Variants in TAFA5 observed in about 807,000 individuals in gnomAD.
TAFA5 encodes the protein TAFA chemokine like family member 5, also known as chemokine-like protein TAFA-5.
TAFA5 carries 6 observed loss-of-function variants against 15.3 expected under a neutral mutation model. The observed-to-expected ratio is 0.39, with a 90% CI of 0.21 to 0.77. TAFA5 has a LOEUF of 0.77. Among genes scored for constraint, TAFA5 ranks in the 30% least tolerant of loss-of-function variants. TAFA5 has a pLI of 0.41. For synonymous variants in TAFA5, 103 were observed against 80.7 expected (o/e 1.28, Z -1.48); for missense variants, 161 against 193.1 (o/e 0.83, Z 0.98).
chr22:48,514,726 G>T (rs968031728), intron 1 of TAFA5, among the ~76,000 whole-genome samples: 1 of 152,236 alleles, frequency 6.6e-6, no homozygotes, highest in Non-Finnish European at 1.5e-5. Flanking sequence ...ACAAAACATA[G>T]CTCTGAGCTT....
intron 2 of TAFA5, among the ~76,000 whole-genome samples, chr22:48,647,384 C>T (rs756395901): frequency 9.9e-5 from 15 of 152,082 alleles, no homozygotes; most frequent in African/African-American, 1.4e-4. Context: ...TGACATGGGG[C>T]GGGAGGGGCT....
chr22:48,629,096 G>C (rs995780007), intron 1 of TAFA5, among the ~76,000 whole-genome samples: 1 of 152,190 alleles, frequency 6.6e-6, no homozygotes, highest in Non-Finnish European at 1.5e-5. Flanking sequence ...CTGAAGGAAG[G>C]GACCCACCAG....
At chr22:48,679,164 CGG>C (rs1928089141) in intron 2 of TAFA5, among the ~76,000 whole-genome samples, 1 of 94,838 alleles carries the variant, frequency 1.1e-5, no homozygotes, top group Non-Finnish European at 2.1e-5. Context: ...TCTCCCGGCT[CGG>C]CGTCCATCCC....
intron 2 of TAFA5, among the ~76,000 whole-genome samples, chr22:48,673,543 C>A (rs1927868938): frequency 6.6e-6 from 1 of 152,208 alleles, no homozygotes; most frequent in South Asian, 2.1e-4. Context: ...AAGAGGCCGG[C>A]CTTCTTCTGA....
intron 2 of TAFA5, among the ~76,000 whole-genome samples, chr22:48,656,921 A>T (rs1454042206): frequency 6.6e-6 from 1 of 151,738 alleles, no homozygotes; most frequent in Non-Finnish European, 1.5e-5. Context: ...TTGCACTGCC[A>T]TGCCCAGCTA....
chr22:48,669,552 C>G (rs900226515), intron 2 of TAFA5, among the ~76,000 whole-genome samples: 6 of 152,244 alleles, frequency 3.9e-5, no homozygotes, highest in Admixed American at 3.9e-4. Flanking sequence ...AGGGAGCACC[C>G]TGCCTTTGAG....
intron 1 of TAFA5, among the ~76,000 whole-genome samples, chr22:48,592,692 G>T (rs1019524072): frequency 4.0e-5 from 6 of 151,412 alleles, no homozygotes; most frequent in East Asian, 2.0e-4. Flanking sequence ...GACTAACTCG[G>T]TCCTGGGAAG....
chr22:48,620,992 AC>A (rs1925805456), intron 1 of TAFA5, among the ~76,000 whole-genome samples: 1 of 89,772 alleles, frequency 1.1e-5, no homozygotes, highest in Non-Finnish European at 2.1e-5. Context: ...CCACCCACCC[AC>A]CCACACTATC....
intron 2 of TAFA5, among the ~76,000 whole-genome samples, chr22:48,657,925 T>C (rs936699102): frequency 3.9e-5 from 6 of 152,206 alleles, no homozygotes; most frequent in Non-Finnish European, 8.8e-5. Context: ...TGATGGTGTT[T>C]AAAGTGTCCA....
intron 1 of TAFA5, among the ~76,000 whole-genome samples, chr22:48,503,526 G>A (rs1294816412): frequency 6.6e-6 from 1 of 152,242 alleles, no homozygotes; most frequent in Non-Finnish European, 1.5e-5. Flanking sequence ...CAGGGACAGT[G>A]GAAGCCGGTA....
At position 48,562,894 on chromosome 22, in the gene TAFA5, C is replaced by G. The variant is rs553260576; in HGVS notation, c.112+73190C>G. Among the ~76,000 whole-genome samples, 72 of 152,332 alleles carry G rather than the reference C, an allele frequency of 4.7e-4. No individual in the cohort carries two copies. In the East Asian group the frequency reaches 0.013, roughly 28 times the overall value. On this transcript the variant is annotated intron_variant, in intron 1 of 3. Coordinates refer to ENST00000402357, the MANE Select transcript of TAFA5 (RefSeq NM_001082967.3). Reference sequence around the variant, plus strand: ...CCCCACTTGACAGCTCGGAGACCCTCTTTCCTCTCACAGCCCCGGGACCCC... The same window carrying G: ...CCCCACTTGACAGCTCGGAGACCCTGTTTCCTCTCACAGCCCCGGGACCCC...
chr22:48,685,353 G>C (rs1928320835), intron 2 of TAFA5, among the ~76,000 whole-genome samples: 1 of 152,202 alleles, frequency 6.6e-6, no homozygotes, highest in African/African-American at 2.4e-5. Context: ...ATCTCTCTTG[G>C]ATCCAGGAAA....
At chr22:48,515,570 T>C (rs1315195920) in intron 1 of TAFA5, among the ~76,000 whole-genome samples, 2 of 152,152 alleles carry the variant, frequency 1.3e-5, no homozygotes, top group Non-Finnish European at 2.9e-5. Context: ...CTGCTCTCCC[T>C]TGATGCTCCT....
chr22:48,638,321 C>T (rs1446417364), intron 1 of TAFA5, among the ~76,000 whole-genome samples: 2 of 127,724 alleles, frequency 1.6e-5, no homozygotes, highest in Non-Finnish European at 3.3e-5. Context: ...ACCCCCCCCA[C>T]ACACTAAGCC....
At chr22:48,710,250 A>G (rs1384959261) in intron 3 of TAFA5, among the ~76,000 whole-genome samples, 2 of 152,126 alleles carry the variant, frequency 1.3e-5, no homozygotes, top group East Asian at 3.9e-4. Flanking sequence ...TGCAGGGCGC[A>G]CACTGGTAAG....
At chr22:48,502,937 C>T (rs575859084) in intron 1 of TAFA5, among the ~76,000 whole-genome samples, 2 of 152,190 alleles carry the variant, frequency 1.3e-5, no homozygotes, top group African/African-American at 2.4e-5. Context: ...ATACCACCAA[C>T]GGGTCATATA....
chr22:48,617,721 CCTGGCTTGGT>C (rs1244983734), intron 1 of TAFA5, among the ~76,000 whole-genome samples: 1 of 152,192 alleles, frequency 6.6e-6, no homozygotes, highest in African/African-American at 2.4e-5. Flanking sequence ...TGTTCTGGAG[CCTGGCTTGGT>C]GCATCCCTGG....
chr22:48,532,320 C>G (rs1922002047), intron 1 of TAFA5, among the ~76,000 whole-genome samples: 1 of 152,234 alleles, frequency 6.6e-6, no homozygotes, highest in Admixed American at 6.5e-5. Context: ...TTACTCCGCA[C>G]CTTTTCAGGC....
At chr22:48,730,867 C>T (rs1033765738) in intron 3 of TAFA5, among the ~76,000 whole-genome samples, 1 of 152,036 alleles carries the variant, frequency 6.6e-6, no homozygotes, top group African/African-American at 2.4e-5. Context: ...AATTAATAAC[C>T]CTACAGTGGC....
Sources: allele counts gnomAD v4.1 joint callset (sites outside exome capture counted in the v4.1 genomes callset), GRCh38; gene constraint gnomAD v4.1.1; transcripts MANE v1.5; gene names NCBI Gene and HGNC (gene_info 2026-07-23, HGNC 2026-07-21).